The following NALF1 variants were observed in gnomAD, a reference collection of about 807,000 sequenced individuals.
The protein encoded by NALF1 is NALCN channel auxiliary factor 1.
A neutral mutation model predicts 48.4 loss-of-function variants in NALF1; 3 were observed. That is an observed-to-expected ratio of 0.06 (90% confidence interval 0.03 to 0.16). NALF1 has a LOEUF of 0.16. Ranked by LOEUF, NALF1 falls within the 10% of genes least tolerant of loss-of-function variation. NALF1 has a pLI of 1.00. For synonymous variants in NALF1, 262 were observed against 245.7 expected (o/e 1.07, Z -0.62); for missense variants, 526 against 571.5 (o/e 0.92, Z 0.81).
At chr13:107,333,608 G>T (rs1006732592) in intron 1 of NALF1, among the ~76,000 whole-genome samples, 1 of 152,190 alleles carries the variant, frequency 6.6e-6, no homozygotes, top group African/African-American at 2.4e-5. Context: ...GCAAGTAGGT[G>T]AATTCACAAC....
At chr13:107,807,573 C>T (rs1397765941) in intron 1 of NALF1, among the ~76,000 whole-genome samples, 2 of 152,176 alleles carry the variant, frequency 1.3e-5, no homozygotes, top group African/African-American at 2.4e-5. Flanking sequence ...TGTGATAACA[C>T]GGAAAATGTA....
intron 1 of NALF1, among the ~76,000 whole-genome samples, chr13:107,858,339 T>C (rs559533176): frequency 1.3e-5 from 2 of 152,348 alleles, no homozygotes; most frequent in Admixed American, 6.5e-5. Context: ...TTTGTAAATA[T>C]TTCTAATCAA....
intron 1 of NALF1, among the ~76,000 whole-genome samples, chr13:107,502,567 A>G (rs140930871): frequency 6.6e-6 from 1 of 152,286 alleles, no homozygotes; most frequent in Non-Finnish European, 1.5e-5. Flanking sequence ...TGAACATTCT[A>G]AACTCCTTAA....
At chr13:107,808,968 G>A (rs73587722) in intron 1 of NALF1, among the ~76,000 whole-genome samples, 7,360 of 152,030 alleles carry the variant, frequency 0.048, 360 homozygotes, top group African/African-American at 0.13. Flanking sequence ...TCAAGAATAG[G>A]GCTAACAAAC....
chr13:107,577,741 T>C (rs899982288), intron 1 of NALF1, among the ~76,000 whole-genome samples: 2 of 152,146 alleles, frequency 1.3e-5, no homozygotes, highest in African/African-American at 2.4e-5. Flanking sequence ...ACCACCCCGT[T>C]CTTGAAACTC....
At chr13:107,494,648 G>C (rs1383634760) in intron 1 of NALF1, among the ~76,000 whole-genome samples, 1 of 151,980 alleles carries the variant, frequency 6.6e-6, no homozygotes, top group Non-Finnish European at 1.5e-5. Flanking sequence ...TTTACCTATG[G>C]GTTAACTACT....
chr13:107,525,601 A>G (rs1491000656), intron 1 of NALF1, among the ~76,000 whole-genome samples: 1 of 152,130 alleles, frequency 6.6e-6, no homozygotes, highest in Non-Finnish European at 1.5e-5. Flanking sequence ...GTATAAACAT[A>G]TATTTTTCTG....
chr13:107,842,887 C>T (rs989392005), intron 1 of NALF1, among the ~76,000 whole-genome samples: 5 of 152,006 alleles, frequency 3.3e-5, no homozygotes, highest in African/African-American at 1.2e-4. Flanking sequence ...TTCTGTCTGG[C>T]TTCTTATTTA....
At chr13:107,739,338 A>T (rs79801145) in intron 1 of NALF1, among the ~76,000 whole-genome samples, 9,437 of 148,680 alleles carry the variant, frequency 0.063, 457 homozygotes, top group South Asian at 0.16. Context: ...AAATATATAT[A>T]TTTTTCATAT....
At chr13:107,836,766 T>A (rs915080290) in intron 1 of NALF1, among the ~76,000 whole-genome samples, 31 of 152,314 alleles carry the variant, frequency 2.0e-4, no homozygotes, top group African/African-American at 6.0e-4. Context: ...CTCTAATTTG[T>A]TGCTGAGATA....
intron 1 of NALF1, among the ~76,000 whole-genome samples, chr13:107,555,597 A>G (rs1404382384): frequency 6.6e-6 from 1 of 151,782 alleles, no homozygotes; most frequent in Admixed American, 6.6e-5. Flanking sequence ...GCCCAGCCAG[A>G]TGTTTGATTT....
intron 1 of NALF1, among the ~76,000 whole-genome samples, chr13:107,435,167 A>G (rs1248344340): frequency 6.6e-6 from 1 of 152,124 alleles, no homozygotes; most frequent in East Asian, 1.9e-4. Context: ...CAAAAAGCCC[A>G]AAGTGTCAAA....
intron 1 of NALF1, among the ~76,000 whole-genome samples, chr13:107,783,566 C>G (rs1249702931): frequency 1.3e-5 from 2 of 152,136 alleles, no homozygotes; most frequent in East Asian, 1.9e-4. Flanking sequence ...ACCTTACCCC[C>G]CAACCTTGTG....
At chr13:107,636,035 C>T (rs964159262) in intron 1 of NALF1, among the ~76,000 whole-genome samples, 2 of 151,996 alleles carry the variant, frequency 1.3e-5, no homozygotes, top group African/African-American at 4.8e-5. Flanking sequence ...GGGGAAGCTA[C>T]CTATTAGGTT....
intron 1 of NALF1, among the ~76,000 whole-genome samples, chr13:107,608,934 G>A (rs188210842): frequency 2.6e-5 from 4 of 152,292 alleles, no homozygotes; most frequent in East Asian, 1.9e-4. Flanking sequence ...GTGCTGGGCC[G>A]GGCACCAGGG....
intron 1 of NALF1, among the ~76,000 whole-genome samples, chr13:107,350,117 T>C (rs375980947): frequency 3.9e-5 from 6 of 152,308 alleles, no homozygotes; most frequent in African/African-American, 1.4e-4. Flanking sequence ...CTCCATAGCC[T>C]GCTGCTCACC....
intron 1 of NALF1, among the ~76,000 whole-genome samples, chr13:107,591,792 T>C (rs1181026860): frequency 3.9e-5 from 6 of 152,032 alleles, no homozygotes; most frequent in Admixed American, 3.9e-4. Context: ...GGTAAAATAA[T>C]TTCTAAAAAT....
intron 1 of NALF1, among the ~76,000 whole-genome samples, chr13:107,216,956 G>T (rs922099319): frequency 2.0e-5 from 3 of 152,066 alleles, no homozygotes; most frequent in African/African-American, 7.2e-5. Flanking sequence ...ATCTGCACAG[G>T]GCTTAGGAAA....
intron 1 of NALF1, among the ~76,000 whole-genome samples, chr13:107,701,061 GA>G (rs948764139): frequency 2.6e-5 from 4 of 152,132 alleles, no homozygotes; most frequent in African/African-American, 9.6e-5. Context: ...CAGCCATTGT[GA>G]AAAGCAGTAT....
Sources: allele counts gnomAD v4.1 joint callset (sites outside exome capture counted in the v4.1 genomes callset), GRCh38; gene constraint gnomAD v4.1.1; transcripts MANE v1.5; gene names NCBI Gene and HGNC (gene_info 2026-07-23, HGNC 2026-07-21).